Variants in MOSMO observed in about 807,000 individuals in gnomAD.
MOSMO encodes the protein modulator of smoothened, also known as modulator of smoothened protein.
MOSMO carries 5 observed loss-of-function variants against 18.4 expected under a neutral mutation model. The observed-to-expected ratio is 0.27, with a 90% CI of 0.14 to 0.57. MOSMO has a LOEUF of 0.57. Ranked by LOEUF, MOSMO falls within the 20% of genes least tolerant of loss-of-function variation. The pLI is 0.92. For synonymous variants in MOSMO, 82 were observed against 82.3 expected (o/e 1.00, Z 0.02); for missense variants, 138 against 211.8 (o/e 0.65, Z 2.16).
At chr16:22,088,239 C>T (rs1259619523), downstream of MOSMO, among the ~76,000 whole-genome samples, 2 of 152,098 alleles carry the variant, frequency 1.3e-5, no homozygotes, top group Non-Finnish European at 2.9e-5. Context: ...AGTATGTTGA[C>T]CAGGGTCGTC....
At position 22,083,883 on chromosome 16, in the gene MOSMO, A is replaced by G. The variant is rs1345189266; in HGVS notation, c.*3003A>G. On this transcript the variant is annotated 3_prime_UTR_variant, in exon 3 of 3. Transcript: ENST00000542527. Reference sequence around the variant, plus strand: ...TCTTTCCAAAGGTAATCCATGTTCTATGTTGTTAATGTGTGTATGTAATTT... The same window carrying G: ...TCTTTCCAAAGGTAATCCATGTTCTGTGTTGTTAATGTGTGTATGTAATTT... The G allele has an allele frequency of 5.7e-5, 19 of 335,686 alleles. No homozygotes were observed. Among genetic ancestry groups the G allele is most frequent in the Non-Finnish European group, 9.7e-5 (17 of 174,930 alleles). The allele number at this position is 335,686 out of a possible 1,614,324, so 20.8% of individuals were successfully genotyped here.
chr16:22,046,014 C>T (rs1900301954), intron 1 of MOSMO, among the ~76,000 whole-genome samples: 1 of 150,668 alleles, frequency 6.6e-6, no homozygotes, highest in Non-Finnish European at 1.5e-5. Flanking sequence ...TCTCCAAATG[C>T]TATCTCTCCC....
intron 1 of MOSMO, among the ~76,000 whole-genome samples, chr16:22,023,912 A>T (rs1485896984): frequency 6.6e-6 from 1 of 151,110 alleles, no homozygotes; most frequent in Non-Finnish European, 1.5e-5. Context: ...TTTCTCTTGT[A>T]TAGATTCAAG....
rs1567495907 is a variant in MOSMO at position 22,008,407 on chromosome 16, G to C, written c.106G>C (p.Gly36Arg). 1 of 1,530,228 alleles carries C rather than the reference G, an allele frequency of 6.5e-7. No homozygotes were observed. The highest frequency in any genetic ancestry group is 8.7e-7 in the Non-Finnish European group (1 of 1,143,894). 94.8% of individuals were successfully genotyped at this position (1,530,228 alleles called of 1,614,324 possible). A position where few individuals can be genotyped will look rare whatever the true frequency, so the allele number is the denominator to read the frequency against. The change falls in exon 1 of 3, where the codon GGA (glycine) becomes CGA (arginine). Residue 36 changes from glycine to arginine, a missense_variant and splice_region_variant. Physicochemically the swap from Gly to Arg is moderately radical, Grantham distance 125 (BLOSUM62 -2). Coordinates refer to ENST00000542527, the MANE Select transcript of MOSMO (RefSeq NM_001164579.2). ...CTGGATCAACACCGGGGAGTCTGCG[G>C]GTGAGCCGCTGGCGCGCCGGGCCGG... is the stretch of plus-strand genomic sequence containing the variant. ...PDWINTGESA[G>R]ALTVGLVRQC...
intron 1 of MOSMO, among the ~76,000 whole-genome samples, chr16:22,012,644 T>A (rs1431774132): frequency 6.6e-6 from 1 of 151,824 alleles, no homozygotes; most frequent in African/African-American, 2.4e-5. Context: ...GGCTTTGGAC[T>A]TTCTCTGTCA....
At chr16:22,021,588 A>G (rs1393041531) in intron 1 of MOSMO, among the ~76,000 whole-genome samples, 2 of 152,120 alleles carry the variant, frequency 1.3e-5, no homozygotes, top group East Asian at 1.9e-4. Context: ...CTTGAGCTCA[A>G]GGAGTTCGAG....
intron 1 of MOSMO, among the ~76,000 whole-genome samples, chr16:22,047,098 T>C (rs1900323349): frequency 6.6e-6 from 1 of 151,790 alleles, no homozygotes; most frequent in Non-Finnish European, 1.5e-5. Context: ...CTTACAGAAA[T>C]ATATATAATT....
intron 1 of MOSMO, among the ~76,000 whole-genome samples, chr16:22,018,645 GATT>G (rs1310300498): frequency 6.6e-6 from 1 of 152,170 alleles, no homozygotes; most frequent in African/African-American, 2.4e-5. Flanking sequence ...TAATCAGAGA[GATT>G]ATGTTTAAGC....
At chr16:22,073,287 A>G (rs1188716014) in intron 1 of MOSMO, among the ~76,000 whole-genome samples, 4 of 152,208 alleles carry the variant, frequency 2.6e-5, no homozygotes, top group Non-Finnish European at 5.9e-5. Flanking sequence ...TTGTAACTGT[A>G]CAGACTTTGT....
intron 1 of MOSMO, among the ~76,000 whole-genome samples, chr16:22,053,890 T>C (rs1900480149): frequency 1.3e-5 from 2 of 152,338 alleles, no homozygotes; most frequent in South Asian, 4.1e-4. Flanking sequence ...TATCACTTTA[T>C]GCTATACTCT....
At chr16:22,079,657 T>TATTC (rs1205092689) in intron 2 of MOSMO, among the ~76,000 whole-genome samples, 6 of 152,224 alleles carry the variant, frequency 3.9e-5, no homozygotes, top group Non-Finnish European at 7.3e-5. Context: ...CCTCTCTGGG[T>TATTC]ATTCAGAAAC....
intron 1 of MOSMO, among the ~76,000 whole-genome samples, chr16:22,050,724 AT>A (rs958782007): frequency 2.0e-5 from 3 of 151,674 alleles, no homozygotes; most frequent in Non-Finnish European, 4.4e-5. Flanking sequence ...CCTTAAAAAA[AT>A]TTTTTTAAGT....
intron 1 of MOSMO, among the ~76,000 whole-genome samples, chr16:22,020,963 G>C (rs1220967601): frequency 1.3e-5 from 2 of 151,996 alleles, no homozygotes; most frequent in Non-Finnish European, 2.9e-5. Context: ...GAGGTTTCCT[G>C]AAGTGGAATA....
chr16:22,069,999 G>A (rs1013749954), intron 1 of MOSMO, among the ~76,000 whole-genome samples: 6 of 152,168 alleles, frequency 3.9e-5, no homozygotes, highest in African/African-American at 1.4e-4. Context: ...CAAAACACAA[G>A]GAGAAAGGAT....
chr16:22,049,206 T>TA (rs900622947), intron 1 of MOSMO, among the ~76,000 whole-genome samples: 1 of 151,234 alleles, frequency 6.6e-6, no homozygotes, highest in Non-Finnish European at 1.5e-5. Flanking sequence ...TGGTTTGCTT[T>TA]AAAAAAACAA....
intron 1 of MOSMO, among the ~76,000 whole-genome samples, chr16:22,043,669 AGCC>A (rs1457401254): frequency 6.6e-6 from 1 of 152,194 alleles, no homozygotes; most frequent in African/African-American, 2.4e-5. Context: ...TGTCCCTCCC[AGCC>A]ATAGAGAAAG....
At chr16:22,053,411 T>C (rs1900467924) in intron 1 of MOSMO, among the ~76,000 whole-genome samples, 1 of 152,150 alleles carries the variant, frequency 6.6e-6, no homozygotes, top group African/African-American at 2.4e-5. Flanking sequence ...ATTATATATG[T>C]TACTGTGACT....
chr16:22,021,455 A>C (rs1419446534), intron 1 of MOSMO, among the ~76,000 whole-genome samples: 1 of 152,146 alleles, frequency 6.6e-6, no homozygotes, highest in Non-Finnish European at 1.5e-5. Flanking sequence ...TTGAAAATAA[A>C]AGTGAGTGTA....
chr16:22,054,989 A>G (rs1032207876), intron 1 of MOSMO, among the ~76,000 whole-genome samples: 1 of 149,354 alleles, frequency 6.7e-6, no homozygotes, highest in Non-Finnish European at 1.5e-5. Flanking sequence ...TACATTTATT[A>G]TGTCTGGTAT....
Sources: gnomAD v4.1 joint callset for allele counts (sites outside exome capture counted in the v4.1 genomes callset) on GRCh38, gnomAD v4.1.1 for gene constraint, MANE v1.5 for transcripts, NCBI Gene and HGNC (gene_info 2026-07-23, HGNC 2026-07-21) for gene names.